The following KIAA2012 variants were observed in gnomAD, a reference collection of about 807,000 sequenced individuals.
KIAA2012 encodes uncharacterized protein KIAA2012.
Under a neutral mutation model 150.6 loss-of-function variants are expected in KIAA2012, and 125 were observed. The observed-to-expected ratio is 0.83, with a 90% confidence interval of 0.72 to 0.96. The LOEUF (loss-of-function observed/expected upper bound fraction) is 0.96, where lower values mean the gene tolerates loss of function less well. Among genes scored for constraint, KIAA2012 ranks in the 40% least tolerant of loss-of-function variants. The probability of loss-of-function intolerance (pLI) is 0.00; values close to 1 mark genes in which losing one functional copy is unlikely to be tolerated. For missense variants in KIAA2012, 1,219 were observed against 1,354.9 expected (o/e 0.90, Z 1.57); for synonymous variants, 462 against 504.7 (o/e 0.92, Z 1.13).
intron 10 of KIAA2012, among the ~76,000 whole-genome samples, chr2:202,112,347 T>C (rs565759613): frequency 1.3e-5 from 2 of 152,320 alleles, no homozygotes; most frequent in South Asian, 4.1e-4. Flanking sequence ...GCACGGAAGC[T>C]CGGCACATGC....
At chr2:202,187,632 T>TACA (rs1350834357) in intron 17 of KIAA2012, among the ~76,000 whole-genome samples, 6 of 152,188 alleles carry the variant, frequency 3.9e-5, no homozygotes, top group Admixed American at 3.9e-4. Context: ...ACAAAGGTAC[T>TACA]GAGTGGGTAG....
intron 22 of KIAA2012, among the ~76,000 whole-genome samples, chr2:202,198,174 CAAAAAAAA>C (rs1009971980): frequency 1.5e-5 from 1 of 67,136 alleles, no homozygotes; most frequent in African/African-American, 6.0e-5. Context: ...GGCTCTTTCT[CAAAAAAAA>C]AAAAAAAAAA....
At chr2:202,107,619 GC>G (rs1173821504) in intron 9 of KIAA2012, among the ~76,000 whole-genome samples, 4 of 152,112 alleles carry the variant, frequency 2.6e-5, no homozygotes, top group Non-Finnish European at 4.4e-5. Flanking sequence ...TCCCTCCTCT[GC>G]CACTCTGCCA....
Position 202,143,956 on chromosome 2 carries a change from G to A in KIAA2012, c.1908+5448G>A, listed in dbSNP as rs1040180978. On this transcript the variant is annotated intron_variant, in intron 13 of 23. Transcript: ENST00000498697. ...TATGTAAGCTTGGGAAAAGAGGGGCGCTTGAGCCCACTTGTTTATAGAGCT... is the reference window on the plus strand; with the variant it reads ...TATGTAAGCTTGGGAAAAGAGGGGCACTTGAGCCCACTTGTTTATAGAGCT... Among the ~76,000 whole-genome samples, 6 of 152,146 alleles carry A rather than the reference G, an allele frequency of 3.9e-5. No homozygotes were observed. The East Asian group carries it at 5.8e-4, about 15-fold the overall frequency.
chr2:202,120,747 T>A (rs531254305), intron 11 of KIAA2012, among the ~76,000 whole-genome samples: 1 of 152,300 alleles, frequency 6.6e-6, no homozygotes, highest in African/African-American at 2.4e-5. Flanking sequence ...GATTTAAAAT[T>A]CCTGTGAGTA....
intron 12 of KIAA2012, chr2:202,138,134 A>C: frequency 5.0e-6 from 1 of 201,826 alleles, no homozygotes. Flanking sequence ...TTTCAGCTTT[A>C]TCTGAATTTT....
At chr2:202,133,286 G>A (rs893888554) in intron 12 of KIAA2012, among the ~76,000 whole-genome samples, 1 of 151,032 alleles carries the variant, frequency 6.6e-6, no homozygotes, top group Non-Finnish European at 1.5e-5. Flanking sequence ...TTTCTTGATT[G>A]GAGGGTTTCT....
intron 15 of KIAA2012, among the ~76,000 whole-genome samples, chr2:202,180,611 G>C (rs1203583178): frequency 6.6e-6 from 1 of 152,090 alleles, no homozygotes; most frequent in African/African-American, 2.4e-5. Context: ...GATCACTCGA[G>C]GCCAGGGTTT....
At chr2:202,127,176 C>A (rs1268623565) in intron 12 of KIAA2012, among the ~76,000 whole-genome samples, 1 of 152,040 alleles carries the variant, frequency 6.6e-6, no homozygotes, top group East Asian at 1.9e-4. Context: ...GCAAGATAAG[C>A]CTGTTTACCG....
intron 9 of KIAA2012, among the ~76,000 whole-genome samples, chr2:202,107,719 G>A (rs1690234298): frequency 6.6e-6 from 1 of 152,104 alleles, no homozygotes; most frequent in South Asian, 2.1e-4. Context: ...GACCTAAAGA[G>A]GCAGTTCCAG....
intron 12 of KIAA2012, among the ~76,000 whole-genome samples, chr2:202,131,670 A>T (rs1176367805): frequency 6.6e-6 from 1 of 152,256 alleles, no homozygotes; most frequent in Non-Finnish European, 1.5e-5. Context: ...AGGACACTTA[A>T]GCAGAGTTTC....
intron 2 of KIAA2012, among the ~76,000 whole-genome samples, chr2:202,079,490 AG>A (rs1689395620): frequency 6.6e-6 from 1 of 152,116 alleles, no homozygotes; most frequent in African/African-American, 2.4e-5. Context: ...TGTCGCAGAA[AG>A]GTGCAAGTCA....
At chr2:202,122,498 CTTT>C (rs368758133) in intron 11 of KIAA2012, among the ~76,000 whole-genome samples, 13 of 119,150 alleles carry the variant, frequency 1.1e-4, no homozygotes, top group Admixed American at 2.5e-4. Flanking sequence ...CAAATCCGCT[CTTT>C]TTTTTTTTTT....
intron 2 of KIAA2012, among the ~76,000 whole-genome samples, chr2:202,079,640 A>G (rs1185039745): frequency 6.6e-6 from 1 of 152,204 alleles, no homozygotes; most frequent in Non-Finnish European, 1.5e-5. Context: ...GTAAAGATAA[A>G]TGTTAAGTCA....
chr2:202,151,373 G>A (rs1375334426), intron 13 of KIAA2012, among the ~76,000 whole-genome samples: 2 of 151,756 alleles, frequency 1.3e-5, no homozygotes, highest in African/African-American at 2.4e-5. Flanking sequence ...CTCCAGCCTG[G>A]GCAACAGAGC....
At chr2:202,200,112 G>A (rs1692488481) in intron 22 of KIAA2012, among the ~76,000 whole-genome samples, 1 of 151,612 alleles carries the variant, frequency 6.6e-6, no homozygotes. Flanking sequence ...TGTATTTTTA[G>A]TAGAGACGGG....
At chr2:202,134,504 C>G (rs538657008) in intron 12 of KIAA2012, among the ~76,000 whole-genome samples, 8 of 152,204 alleles carry the variant, frequency 5.3e-5, no homozygotes, top group Non-Finnish European at 8.8e-5. Context: ...GGTCCCATAC[C>G]AAGGCAAATA....
At chr2:202,096,051 T>C (rs539816211) in intron 4 of KIAA2012, among the ~76,000 whole-genome samples, 8 of 152,030 alleles carry the variant, frequency 5.3e-5, no homozygotes, top group Non-Finnish European at 1.0e-4. Context: ...GCCACTGCAC[T>C]CCAGCCTGGG....
chr2:202,100,120 T>C (rs899609555), intron 6 of KIAA2012, among the ~76,000 whole-genome samples, 187 bp from the exon 7 acceptor site: 3 of 152,220 alleles, frequency 2.0e-5, no homozygotes, highest in Admixed American at 6.5e-5. Context: ...AAGGCTATTG[T>C]GTAAAAACCC....
Sources: allele counts gnomAD v4.1 joint callset (sites outside exome capture counted in the v4.1 genomes callset), GRCh38; gene constraint gnomAD v4.1.1; transcripts MANE v1.5; gene names NCBI Gene and HGNC (gene_info 2026-07-23, HGNC 2026-07-21).